Variants in ANXA4 observed in about 807,000 individuals in gnomAD.
ANXA4 encodes the protein 35-beta calcimedin.
ANXA4 carries 39 observed loss-of-function variants against 49.8 expected under a neutral mutation model. The observed-to-expected ratio is 0.78, with a 90% confidence interval of 0.61 to 1.02. The LOEUF (loss-of-function observed/expected upper bound fraction) is 1.02, where lower values mean the gene tolerates loss of function less well. ANXA4 is among the 50% of genes least tolerant of loss of function. The probability of loss-of-function intolerance (pLI) is 0.00; values close to 1 mark genes in which losing one functional copy is unlikely to be tolerated. For synonymous variants in ANXA4, 134 were observed against 152.5 expected (o/e 0.88, Z 0.89); for missense variants, 360 against 410.1 (o/e 0.88, Z 1.05).
intron 2 of ANXA4, among the ~76,000 whole-genome samples, chr2:69,703,929 C>A (rs967588006): frequency 6.6e-6 from 1 of 151,972 alleles, no homozygotes; most frequent in African/African-American, 2.4e-5. Flanking sequence ...TGCGTGCCAC[C>A]CCCCCGCAGC....
At chr2:69,782,895 G>A (rs1672260503) in intron 2 of ANXA4, among the ~76,000 whole-genome samples, 1 of 151,968 alleles carries the variant, frequency 6.6e-6, no homozygotes. Flanking sequence ...TTTATTGACA[G>A]ATAAAGGACA....
At chr2:69,730,868 G>A (rs1670077484) in intron 3 of ANXA4, among the ~76,000 whole-genome samples, 1 of 152,188 alleles carries the variant, frequency 6.6e-6, no homozygotes, top group Non-Finnish European at 1.5e-5. Flanking sequence ...AGGAACGGGA[G>A]GAGGCACTAC....
chr2:69,760,348 GATTA>G (rs1260405315), intron 1 of ANXA4, among the ~76,000 whole-genome samples: 2 of 152,190 alleles, frequency 1.3e-5, no homozygotes, highest in Non-Finnish European at 2.9e-5. Context: ...CTTGACACTT[GATTA>G]AATAGAGAGA....
intron 6 of ANXA4, chr2:69,808,232 AT>A (rs762887801): frequency 4.6e-5 from 21 of 457,412 alleles, no homozygotes; most frequent in Non-Finnish European, 8.4e-5. Context: ...GCAGTATTTT[AT>A]TACCCTAAAA....
intron 2 of ANXA4, among the ~76,000 whole-genome samples, chr2:69,702,941 A>G (rs768597691): frequency 5.3e-5 from 8 of 152,230 alleles, no homozygotes; most frequent in Admixed American, 1.3e-4. Flanking sequence ...TAACAGTATT[A>G]TAAATAAATT....
intron 1 of ANXA4, among the ~76,000 whole-genome samples, chr2:69,772,621 T>C (rs752941596): frequency 1.3e-5 from 2 of 152,194 alleles, no homozygotes; most frequent in African/African-American, 2.4e-5. Flanking sequence ...TGCCAGGCTC[T>C]ATGCTAATAA....
At chr2:69,699,365 G>T (rs1350990546) in intron 2 of ANXA4, among the ~76,000 whole-genome samples, 1 of 152,218 alleles carries the variant, frequency 6.6e-6, no homozygotes, top group Non-Finnish European at 1.5e-5. Context: ...TTAGGGCCAG[G>T]TGTGGTGGCT....
intron 1 of ANXA4, among the ~76,000 whole-genome samples, chr2:69,772,304 A>G (rs4852328): frequency 0.079 from 11,965 of 152,288 alleles, 1,249 homozygotes; most frequent in Admixed American, 0.22. Context: ...CAGCTTATGG[A>G]TTGTAGAAAG....
At chr2:69,807,474 C>T (rs1056686767) in intron 5 of ANXA4, among the ~76,000 whole-genome samples, 9 of 152,258 alleles carry the variant, frequency 5.9e-5, no homozygotes, top group African/African-American at 2.2e-4. Flanking sequence ...TTGTACTCCT[C>T]ATCATAAGTC....
chr2:69,753,839 T>A (rs1670947144), intron 1 of ANXA4, among the ~76,000 whole-genome samples: 1 of 152,178 alleles, frequency 6.6e-6, no homozygotes, highest in African/African-American at 2.4e-5. Flanking sequence ...GTAGTGGAGG[T>A]TGACATTATT....
chr2:69,660,514 A>G (rs4300855), intron 2 of ANXA4, among the ~76,000 whole-genome samples: 10,788 of 152,202 alleles, frequency 0.071, 1,119 homozygotes, highest in East Asian at 0.37. Context: ...TTAGACTAAC[A>G]TTCTAAAAGG....
chr2:69,715,924 A>C (rs1196769725), intron 2 of ANXA4, among the ~76,000 whole-genome samples: 1 of 152,280 alleles, frequency 6.6e-6, no homozygotes, highest in East Asian at 1.9e-4. Flanking sequence ...AGTCCAAGGC[A>C]TGGTCAATCA....
intron 1 of ANXA4, among the ~76,000 whole-genome samples, chr2:69,649,429 T>G (rs1676138572): frequency 6.7e-6 from 1 of 149,732 alleles, no homozygotes; most frequent in African/African-American, 2.5e-5. Context: ...TTATATTTTA[T>G]TTTTTTCATT....
intron 1 of ANXA4, among the ~76,000 whole-genome samples, chr2:69,778,955 G>A (rs958921573): frequency 3.3e-5 from 5 of 150,990 alleles, no homozygotes; most frequent in Non-Finnish European, 7.4e-5. Flanking sequence ...AAAATTAGCC[G>A]GGTATGGTGA....
At chr2:69,705,983 A>G (rs987226893) in intron 2 of ANXA4, among the ~76,000 whole-genome samples, 4 of 152,084 alleles carry the variant, frequency 2.6e-5, no homozygotes, top group Middle Eastern at 3.2e-3. Flanking sequence ...TTTAAGGTAC[A>G]TGTTAATTTT....
At chr2:69,747,722 G>A (rs111534980) in intron 1 of ANXA4, among the ~76,000 whole-genome samples, 8 of 152,104 alleles carry the variant, frequency 5.3e-5, no homozygotes, top group Non-Finnish European at 1.0e-4. Context: ...GTCTTGCTCT[G>A]TAGTCCAGCC....
intron 1 of ANXA4, among the ~76,000 whole-genome samples, chr2:69,775,244 A>G (rs1671918258): frequency 6.6e-6 from 1 of 152,214 alleles, no homozygotes; most frequent in Non-Finnish European, 1.5e-5. Flanking sequence ...GTTACTGGCT[A>G]GAGCGCAGAC....
chr2:69,646,030 A>G (rs991122217), intron 1 of ANXA4, among the ~76,000 whole-genome samples: 4 of 152,162 alleles, frequency 2.6e-5, no homozygotes, highest in African/African-American at 4.8e-5. Context: ...ACTTAGAGAG[A>G]GCAAACATTA....
At chr2:69,673,025 G>A (rs1295879025) in intron 2 of ANXA4, among the ~76,000 whole-genome samples, 1 of 152,140 alleles carries the variant, frequency 6.6e-6, no homozygotes, top group Non-Finnish European at 1.5e-5. Context: ...ACAGATGCTG[G>A]AGAGGATGTG....
Sources: gnomAD v4.1 joint callset for allele counts (sites outside exome capture counted in the v4.1 genomes callset) on GRCh38, gnomAD v4.1.1 for gene constraint, MANE v1.5 for transcripts, NCBI Gene and HGNC (gene_info 2026-07-23, HGNC 2026-07-21) for gene names.